The following PELP1 variants were observed in gnomAD, a reference collection of about 807,000 sequenced individuals.
PELP1 encodes the protein proline, glutamate and leucine rich protein 1.
In PELP1, 32 loss-of-function variants were observed where a neutral mutation model predicts 95.5. The observed-to-expected ratio is 0.34, with a 90% CI of 0.25 to 0.45. PELP1 has a LOEUF of 0.45. PELP1 is among the 20% of genes least tolerant of loss of function. The pLI is 1.00. For missense variants in PELP1, 1,358 were observed against 1,444.8 expected (o/e 0.94, Z 0.97); for synonymous variants, 668 against 600.1 (o/e 1.11, Z -1.65).
intron 1 of PELP1, among the ~76,000 whole-genome samples, chr17:4,698,368 G>A (rs537219029): frequency 1.1e-4 from 17 of 151,828 alleles, no homozygotes; most frequent in African/African-American, 3.9e-4. Context: ...CAAGCTGGGC[G>A]CGGTGGCTCA....
At position 4,696,562 on chromosome 17, in the gene PELP1, A is replaced by G. The variant is rs1261376924; in HGVS notation, c.250-5120T>C. 3.3e-5 allele frequency: 5 copies of G among 152,328 alleles called. No homozygotes were observed. In the East Asian group the frequency reaches 9.6e-4, roughly 29 times the overall value. 9.4% of individuals were successfully genotyped at this position (152,328 alleles called of 1,614,324 possible). A position where few individuals can be genotyped will look rare whatever the true frequency, so the allele number is the denominator to read the frequency against. On this transcript the variant is annotated intron_variant, in intron 1 of 16. Coordinates refer to ENST00000572293, the MANE Select transcript of PELP1 (RefSeq NM_014389.3). ...CACGAGGGGGAGAGAGAAATTGCGCACAGGAGTGACAATATCTGACTTCTG... is the reference window on the plus strand; with the variant it reads ...CACGAGGGGGAGAGAGAAATTGCGCGCAGGAGTGACAATATCTGACTTCTG...
At position 4,676,421 on chromosome 17, in the gene PELP1, C is replaced by T. The variant is rs571360271; in HGVS notation, c.789G>A (p.Glu263=). The change falls in exon 7 of 17, where the codon GAG becomes GAA. Residue 263 remains glutamate (E), a synonymous_variant. Coordinates refer to ENST00000572293, the MANE Select transcript of PELP1 (RefSeq NM_014389.3). The part of the protein sequence containing the change: ...GLKHTESWEQ[E]LHSLLASLHT... Reference sequence around the variant, plus strand: ...GCAGTGAGGCCAGCAGACTGTGTAGCTCCTGCTCCCAGCTCTCGGTGTGCT... The same window carrying T: ...GCAGTGAGGCCAGCAGACTGTGTAGTTCCTGCTCCCAGCTCTCGGTGTGCT... The T allele has an allele frequency of 6.8e-6, 11 of 1,613,720 alleles. No individual in the cohort carries two copies. The South Asian group carries it at 1.2e-4, about 18-fold the overall frequency.
In PELP1 at chr17:4,671,073, G is replaced by A. The variant is rs1390652052; in HGVS notation, c.*366C>T. Reference sequence around the variant, plus strand: ...GTGTTGACACAGGTCCACTCACTAGGATGCATTCTCCACACATTTCCCACC... The same window carrying A: ...GTGTTGACACAGGTCCACTCACTAGAATGCATTCTCCACACATTTCCCACC... On this transcript the variant is annotated 3_prime_UTR_variant, in exon 17 of 17. Coordinates refer to ENST00000572293, the MANE Select transcript of PELP1 (RefSeq NM_014389.3). 3.4e-6 allele frequency: 1 copy of A among 294,294 alleles called. No individual in the cohort carries two copies. Among genetic ancestry groups the A allele is most frequent in the Non-Finnish European group, 6.5e-6 (1 of 154,800 alleles). 18.2% of individuals were successfully genotyped at this position (294,294 alleles called of 1,614,324 possible). A position where few individuals can be genotyped will look rare whatever the true frequency, so the allele number is the denominator to read the frequency against.
At chr17:4,690,721 CA>C (rs1026078795) in intron 3 of PELP1, among the ~76,000 whole-genome samples, 166 bp downstream of exon 3, 1 of 151,152 alleles carries the variant, frequency 6.6e-6, no homozygotes, top group Admixed American at 6.6e-5. Flanking sequence ...GACTCCATCT[CA>C]AAAAAAAAGT....
chr17:4,673,442 C>A lies in PELP1; in HGVS notation c.1653G>T (p.Leu551=). Reference sequence around the variant, plus strand: ...GTACACCCATGACCAGGGGGAGGACCAGGTCATGCAGTCTCTGAAAAGGAC... The same window carrying A: ...GTACACCCATGACCAGGGGGAGGACAAGGTCATGCAGTCTCTGAAAAGGAC... The part of the protein sequence containing the change: ...KEETHRRLHD[L]VLPLVMGVQQ... Residue 551 remains leucine (L), a synonymous_variant, in exon 15 of 17, where the codon CTG becomes CTT. Transcript: ENST00000572293. This position sits in a 1 kb window ranked among gnomAD's most constrained non-coding sequence, Gnocchi z 5.7. 6.3e-7 allele frequency: 1 copy of A among 1,590,656 alleles called. No homozygotes were observed. The highest frequency in any genetic ancestry group is 2.3e-5 in the East Asian group (1 of 43,716).
At chr17:4,698,684 A>G (rs1463505852) in intron 1 of PELP1, among the ~76,000 whole-genome samples, 1 of 151,658 alleles carries the variant, frequency 6.6e-6, no homozygotes, top group African/African-American at 2.4e-5. Flanking sequence ...AAAAAAAACA[A>G]CTAAATGCAA....
intron 3 of PELP1, among the ~76,000 whole-genome samples, chr17:4,684,768 C>A (rs1912845499): frequency 6.6e-6 from 1 of 152,146 alleles, no homozygotes; most frequent in Non-Finnish European, 1.5e-5. Context: ...GATCTTGGCT[C>A]ACTGCAACCT....
chr17:4,697,259 TC>T (rs1021052447), intron 1 of PELP1, among the ~76,000 whole-genome samples: 2 of 152,106 alleles, frequency 1.3e-5, no homozygotes, highest in African/African-American at 2.4e-5. Flanking sequence ...ACGCCTATAA[TC>T]CCAGTACTTT....
Position 4,672,079 on chromosome 17 carries a change from T to C in PELP1, c.2912A>G (p.Glu971Gly). 1 of 1,555,390 alleles carries C rather than the reference T, an allele frequency of 6.4e-7. No individual in the cohort carries two copies. Among genetic ancestry groups the C allele is most frequent in the Non-Finnish European group, 8.7e-7 (1 of 1,149,246 alleles). Residue 971 changes from glutamate to glycine, a missense_variant, in exon 16 of 17, where the codon GAG (glutamate) becomes GGG (glycine). Physicochemically the swap from Glu to Gly is moderately conservative, Grantham distance 98 (BLOSUM62 -2). This residue lies in a region of PELP1 where 283 missense variants were observed against 284.1 expected (regional missense o/e 1.00). Transcript: ENST00000572293. ...EDLEFGTAGG[E>G]VEEGAPPPPT... ...GGGTGGAGGTGCACCTTCTTCTACC[T>C]CCCCTCCTGCTGTGCCAAACTCCAG... is the stretch of plus-strand genomic sequence containing the variant.
At position 4,673,575 on chromosome 17, in the gene PELP1, A is replaced by G. The variant is rs766131452; in HGVS notation, c.1638+44T>C. 5 of 1,586,942 alleles carry G rather than the reference A, an allele frequency of 3.2e-6. No homozygotes were observed. Among genetic ancestry groups the G allele is most frequent in the Admixed American group, 1.7e-5 (1 of 59,996 alleles). On this transcript the variant is annotated intron_variant, in intron 14 of 16. Coordinates refer to ENST00000572293, the MANE Select transcript of PELP1 (RefSeq NM_014389.3). The surrounding 1 kb of genome is among the most constrained non-coding windows in gnomAD (Gnocchi z 5.7). The stretch of plus-strand genomic sequence containing the variant: ...CCACACCCCCCAATGTGTACAGAGC[A>G]GGGGCCCCTTCCCCTATCTCCACGG...
In PELP1 at chr17:4,672,463, G is replaced by C. The variant is rs557357750; in HGVS notation, c.2528C>G (p.Pro843Arg). ...ACCAGGAACAGGCGGCGGCGGAGGT[G>C]GGGGTGGCGGGAGAGGCCCTGGGGC... The part of the protein sequence containing the change: ...PAAPGPLPPP[P>R]PPPPPVPGPV... The change falls in exon 16 of 17, where the codon CCA becomes CGA. Residue 843 changes from proline (P) to arginine (R), a missense_variant. Physicochemically the swap from Pro to Arg is moderately radical, Grantham distance 103 (BLOSUM62 -2). Coordinates refer to ENST00000572293, the MANE Select transcript of PELP1 (RefSeq NM_014389.3). 26 of 1,567,374 alleles carry C rather than the reference G, an allele frequency of 1.7e-5. No homozygotes were observed. The South Asian group carries it at 2.9e-4, about 17-fold the overall frequency.
chr17:4,673,082 G>A lies in PELP1; in HGVS notation c.1909C>T (p.Pro637Ser), dbSNP rs1268146614. The A allele has an allele frequency of 6.6e-7, 1 of 1,524,774 alleles. No individual in the cohort carries two copies. Among genetic ancestry groups the A allele is most frequent in the East Asian group, 2.3e-5 (1 of 44,166 alleles). The allele number at this position is 1,524,774 out of a possible 1,614,324, so 94.5% of individuals were successfully genotyped here. The change falls in exon 16 of 17, where the codon CCC becomes TCC. Residue 637 changes from proline to serine, a missense_variant. By Grantham distance (74) the Pro-to-Ser change is moderately conservative. This residue lies in a region of PELP1 where 340 missense variants were observed against 322.9 expected (regional missense o/e 1.05). Coordinates refer to ENST00000572293, the MANE Select transcript of PELP1 (RefSeq NM_014389.3). The surrounding 1 kb of genome is among the most constrained non-coding windows in gnomAD (Gnocchi z 5.7). Reference sequence around the variant, plus strand: ...CAGGTGGGGCCCATGGGCTGCAGGGGAGGAACCCGGGGGTGGGTCAGAGCA... The same window carrying A: ...CAGGTGGGGCCCATGGGCTGCAGGGAAGGAACCCGGGGGTGGGTCAGAGCA... ...CAALTHPRVP[P>S]LQPMGPTCPT...
chr17:4,688,702 C>T (rs942436707), intron 3 of PELP1, among the ~76,000 whole-genome samples: 1 of 152,144 alleles, frequency 6.6e-6, no homozygotes, highest in African/African-American at 2.4e-5. Flanking sequence ...TCACAGACGA[C>T]ACAAACAAAT....
intron 3 of PELP1, among the ~76,000 whole-genome samples, chr17:4,685,752 C>T (rs1912886306): frequency 6.7e-6 from 1 of 148,628 alleles, no homozygotes; most frequent in African/African-American, 2.5e-5. Flanking sequence ...ATGATCACAC[C>T]ACTATATTCT....
chr17:4,692,930 A>G (rs143320850), intron 1 of PELP1, among the ~76,000 whole-genome samples: 337 of 152,210 alleles, frequency 2.2e-3, no homozygotes, highest in Non-Finnish European at 1.2e-3. Context: ...GACTCGCTTG[A>G]ACCCAGGAGG....
intron 1 of PELP1, among the ~76,000 whole-genome samples, chr17:4,698,066 G>C (rs978988197): frequency 1.5e-4 from 18 of 117,506 alleles, no homozygotes; most frequent in African/African-American, 5.8e-4. Context: ...AGCTAGTCTT[G>C]AACTCCTGCA....
At chr17:4,695,697 G>A (rs186007332) in intron 1 of PELP1, among the ~76,000 whole-genome samples, 479 of 149,222 alleles carry the variant, frequency 3.2e-3, no homozygotes, top group Non-Finnish European at 4.4e-3. Flanking sequence ...AAAAAAATCT[G>A]GCAGGGGGCA....
intron 1 of PELP1, among the ~76,000 whole-genome samples, chr17:4,698,777 G>A (rs1172861990): frequency 6.6e-6 from 1 of 151,816 alleles, no homozygotes; most frequent in East Asian, 1.9e-4. Flanking sequence ...GAGAACTGAT[G>A]GCAAAACTTA....
Position 4,673,067 on chromosome 17 carries a change from C to A in PELP1, c.1924G>T (p.Gly642Cys). ...HPRVPPLQPM[G>C]PTCPTPAPVP... Reference sequence around the variant, plus strand: ...GGAGCAGGTGTGGGGCAGGTGGGGCCCATGGGCTGCAGGGGAGGAACCCGG... The same window carrying A: ...GGAGCAGGTGTGGGGCAGGTGGGGCACATGGGCTGCAGGGGAGGAACCCGG... The change falls in exon 16 of 17, where the codon GGC becomes TGC. Residue 642 changes from glycine to cysteine, a missense_variant. Transcript: ENST00000572293. This position sits in a 1 kb window ranked among gnomAD's most constrained non-coding sequence, Gnocchi z 5.7. 1 of 1,526,770 alleles carries A rather than the reference C, an allele frequency of 6.5e-7. No homozygotes were observed. The highest frequency in any genetic ancestry group is 8.8e-7 in the Non-Finnish European group (1 of 1,140,006). The allele number at this position is 1,526,770 out of a possible 1,614,324, so 94.6% of individuals were successfully genotyped here. A position where few individuals can be genotyped will look rare whatever the true frequency, so the allele number is the denominator to read the frequency against.
Sources: gnomAD v4.1 joint callset for allele counts (sites outside exome capture counted in the v4.1 genomes callset) on GRCh38, gnomAD v4.1.1 for gene constraint, gnomAD v4.1.1 regional missense constraint, Gnocchi (gnomAD v3.1) non-coding constraint, MANE v1.5 for transcripts, NCBI Gene and HGNC (gene_info 2026-07-23, HGNC 2026-07-21) for gene names.